The following ENG variants were observed in gnomAD, a reference collection of about 807,000 sequenced individuals.
The protein encoded by ENG is endoglin, also known as CD105 antigen.
In ENG, 17 loss-of-function variants were observed where a neutral mutation model predicts 71.0. That is an observed-to-expected ratio of 0.24 (90% CI 0.16 to 0.36). The LOEUF is 0.36. Among genes scored for constraint, ENG ranks in the 10% least tolerant of loss-of-function variants. The pLI is 1.00. For missense variants in ENG, 749 were observed against 868.3 expected (o/e 0.86, Z 1.73); for synonymous variants, 360 against 366.9 (o/e 0.98, Z 0.21).
chr9:127,833,887 AAC>A (rs1190136981), intron 2 of ENG, among the ~76,000 whole-genome samples: 2 of 152,240 alleles, frequency 1.3e-5, no homozygotes, highest in African/African-American at 4.8e-5. Context: ...TCCTCTTTAA[AAC>A]ACAAAAAGAA....
At position 127,824,353 on chromosome 9, in the gene ENG, T is replaced by G. The variant is rs1169815935; in HGVS notation, c.1085A>C (p.Lys362Thr). The change falls in exon 8 of 15, where the codon AAG (lysine) becomes ACG (threonine). Residue 362 changes from lysine to threonine, a missense_variant. Physicochemically the swap from Lys to Thr is moderately conservative, Grantham distance 78. Coordinates refer to ENST00000373203, the MANE Select transcript of ENG (RefSeq NM_001114753.3). ...CAGGGTCATGGCGTCGTCGGCACAC[T>G]TTGTCTGGATCAAGGACATGAGCAG... ...PELLMSLIQT[K>T]CADDAMTLVL... The G allele has an allele frequency of 1.9e-6, 3 of 1,613,786 alleles. No individual in the cohort carries two copies. Among genetic ancestry groups the G allele is most frequent in the South Asian group, 2.2e-5 (2 of 91,054 alleles).
intron 12 of ENG, 73 bp downstream of exon 12, chr9:127,818,047 C>T: frequency 6.2e-7 from 1 of 1,610,704 alleles, no homozygotes; most frequent in Non-Finnish European, 8.5e-7. Flanking sequence ...CTGTGGGCTG[C>T]CATGTCCCTT....
intron 2 of ENG, among the ~76,000 whole-genome samples, chr9:127,840,206 G>A (rs1802576427): frequency 6.6e-6 from 1 of 152,250 alleles, no homozygotes; most frequent in South Asian, 2.1e-4. Context: ...CTGGAGGGCT[G>A]CCTGGCTCCA....
chr9:127,846,771 G>A lies in ENG; in HGVS notation c.68-3526C>T, dbSNP rs1300212941. 6.6e-6 allele frequency among the ~76,000 whole-genome samples: 1 copy of A among 152,112 alleles called. No individual in the cohort carries two copies. The highest frequency in any genetic ancestry group is 6.5e-5 in the Admixed American group (1 of 15,274). ...TGAAAACAATCCCCTGGCACCAAGG[G>A]AAACGCCAGGGCCTCCCGGGACTGG... On this transcript the variant is annotated intron_variant, in intron 1 of 14. Coordinates refer to ENST00000373203, the MANE Select transcript of ENG (RefSeq NM_001114753.3). This position sits in a 1 kb window ranked among gnomAD's most constrained non-coding sequence, Gnocchi z 5.5.
intron 12 of ENG, chr9:127,817,860 A>C: frequency 1.7e-6 from 1 of 575,378 alleles, no homozygotes; most frequent in Non-Finnish European, 3.1e-6. Flanking sequence ...ACGGACGGGT[A>C]AGTGAAAGGA....
chr9:127,822,826 AT>A (rs1830498579), intron 8 of ENG, among the ~76,000 whole-genome samples: 1 of 152,126 alleles, frequency 6.6e-6, no homozygotes, highest in Admixed American at 6.6e-5. Flanking sequence ...ATTTTCACAT[AT>A]TTTTTAAAGC....
intron 2 of ENG, among the ~76,000 whole-genome samples, chr9:127,833,682 G>A (rs1165309289): frequency 6.6e-6 from 1 of 152,092 alleles, no homozygotes; most frequent in Non-Finnish European, 1.5e-5. Flanking sequence ...TCTTTTCAAA[G>A]TTATGAAAAA....
At chr9:127,851,115 A>C (rs1357599134) in intron 1 of ENG, among the ~76,000 whole-genome samples, 1 of 152,160 alleles carries the variant, frequency 6.6e-6, no homozygotes, top group African/African-American at 2.4e-5. Context: ...TCAATAAAGG[A>C]GTTCCGAGGT....
rs923980106 is a variant in ENG, at chr9:127,838,290, G to T, written c.219+4804C>A. On this transcript the variant is annotated intron_variant, in intron 2 of 14. Transcript: ENST00000373203. This position sits in a 1 kb window ranked among gnomAD's most constrained non-coding sequence, Gnocchi z 4.3. ...GAAGGGAGGGGTGCAGGTTTCAGGG[G>T]GGTACATCCCTTTGGCCCCACAGAG... Among the ~76,000 whole-genome samples the T allele has an allele frequency of 6.6e-6, 1 of 152,176 alleles. No homozygotes were observed. Among genetic ancestry groups the T allele is most frequent in the African/African-American group, 2.4e-5 (1 of 41,442 alleles).
chr9:127,852,001 A>G (rs768111124), intron 1 of ENG, among the ~76,000 whole-genome samples: 6 of 152,180 alleles, frequency 3.9e-5, no homozygotes, highest in Non-Finnish European at 1.5e-5. Flanking sequence ...CATTATTACT[A>G]TTTTATTGTT....
At chr9:127,848,892 G>A (rs1487503602) in intron 1 of ENG, among the ~76,000 whole-genome samples, 1 of 152,192 alleles carries the variant, frequency 6.6e-6, no homozygotes, top group Non-Finnish European at 1.5e-5. Context: ...AGTATGTTCA[G>A]TTCTTTGTCC....
intron 7 of ENG, 72 bp downstream of exon 7, chr9:127,824,728 T>C: frequency 7.1e-7 from 1 of 1,407,026 alleles, no homozygotes; most frequent in Non-Finnish European, 9.3e-7. Context: ...CACACAGAGG[T>C]GCTTCACCAA....
In ENG at chr9:127,829,313, A is replaced by G. The variant is rs887551250; in HGVS notation, c.360+374T>C. 7.2e-5 allele frequency among the ~76,000 whole-genome samples: 11 copies of G among 152,168 alleles called. No individual in the cohort carries two copies. In the East Asian group the frequency reaches 1.3e-3, roughly 19 times the overall value. On this transcript the variant is annotated intron_variant, in intron 3 of 14. Transcript: ENST00000373203. ...TCCTGGCCCTTTTCCTCTGTCTTTA[A>G]ATATTTTCAAATATATGTCGTGTAA...
chr9:127,818,223 G>C lies in ENG; in HGVS notation c.1583C>G (p.Pro528Arg), dbSNP rs779916731. 1.2e-6 allele frequency: 2 copies of C among 1,614,166 alleles called. No individual in the cohort carries two copies. The highest frequency in any genetic ancestry group is 8.5e-7 in the Non-Finnish European group (1 of 1,180,022). ...GAAGTGGAGGAGGAAGCTGAAGCGC[G>C]GGTCACCCTCGGGGCTTGGGGACAG... ...SLLSPSPEGD[P>R]RFSFLLHFYT... is the part of the protein sequence containing the mutation. Residue 528 changes from proline (P) to arginine (R), a missense_variant, in exon 12 of 15, where the codon CCG becomes CGG. Coordinates refer to ENST00000373203, the MANE Select transcript of ENG (RefSeq NM_001114753.3).
Position 127,854,449 on chromosome 9 carries a change from G to T in ENG, c.-94C>A. 1 of 1,375,966 alleles carries T rather than the reference G, an allele frequency of 7.3e-7. No homozygotes were observed. The allele number at this position is 1,375,966 out of a possible 1,614,324, so 85.2% of individuals were successfully genotyped here. ...CGGGGCCGGCGTGGGCTCGCACGGGGACCCGAGGGGAGCAGGCGGCCGGAG... is the reference window on the plus strand; with the variant it reads ...CGGGGCCGGCGTGGGCTCGCACGGGTACCCGAGGGGAGCAGGCGGCCGGAG... On this transcript the variant is annotated 5_prime_UTR_variant, in exon 1 of 15. Coordinates refer to ENST00000373203, the MANE Select transcript of ENG (RefSeq NM_001114753.3).
chr9:127,846,934 C>T lies in ENG; in HGVS notation c.68-3689G>A. 1.0e-6 allele frequency: 1 copy of T among 985,638 alleles called. No individual in the cohort carries two copies. The highest frequency in any genetic ancestry group is 1.2e-6 in the Non-Finnish European group (1 of 830,076). 61.1% of individuals were successfully genotyped at this position (985,638 alleles called of 1,614,324 possible). A position where few individuals can be genotyped will look rare whatever the true frequency, so the allele number is the denominator to read the frequency against. On this transcript the variant is annotated intron_variant, in intron 1 of 14. Coordinates refer to ENST00000373203, the MANE Select transcript of ENG (RefSeq NM_001114753.3). This position sits in a 1 kb window ranked among gnomAD's most constrained non-coding sequence, Gnocchi z 5.5. Reference sequence around the variant, plus strand: ...ACCTCCCAGATTTCCAGAGGGCTACCTTCAGCACCTTGGAGGATGATCAAG... The same window carrying T: ...ACCTCCCAGATTTCCAGAGGGCTACTTTCAGCACCTTGGAGGATGATCAAG...
At chr9:127,823,490 A>G (rs1336104895) in intron 8 of ENG, among the ~76,000 whole-genome samples, 1 of 135,390 alleles carries the variant, frequency 7.4e-6, no homozygotes, top group Non-Finnish European at 1.6e-5. Flanking sequence ...CCGGGTTCAC[A>G]CCATTCTCCT....
chr9:127,848,413 C>T lies in ENG; in HGVS notation c.68-5168G>A, dbSNP rs932947756. Among the ~76,000 whole-genome samples, 9 of 152,098 alleles carry T rather than the reference C, an allele frequency of 5.9e-5. No homozygotes were observed. In the South Asian group the frequency reaches 6.2e-4, roughly 11 times the overall value. Reference sequence around the variant, plus strand: ...CAAGCAATCCTCTGCCTCAGCCTCCCGAGCAGCTACAGGTATGAGTCATTA... The same window carrying T: ...CAAGCAATCCTCTGCCTCAGCCTCCTGAGCAGCTACAGGTATGAGTCATTA... On this transcript the variant is annotated intron_variant, in intron 1 of 14. Coordinates refer to ENST00000373203, the MANE Select transcript of ENG (RefSeq NM_001114753.3).
rs1285459257 is a variant in ENG at position 127,838,982 on chromosome 9, T to C, written c.219+4112A>G. 1.3e-5 allele frequency among the ~76,000 whole-genome samples: 2 copies of C among 152,094 alleles called. No individual in the cohort carries two copies. The highest frequency in any genetic ancestry group is 2.9e-5 in the Non-Finnish European group (2 of 67,996). On this transcript the variant is annotated intron_variant, in intron 2 of 14. Transcript: ENST00000373203. The surrounding 1 kb of genome is among the most constrained non-coding windows in gnomAD (Gnocchi z 4.3). ...TGCCAGAGATCGAAGAAGCCGGCCATAGGTCAGGAGGGATCCGGCTGGCTG... is the reference window on the plus strand; with the variant it reads ...TGCCAGAGATCGAAGAAGCCGGCCACAGGTCAGGAGGGATCCGGCTGGCTG...
Sources: gnomAD v4.1 joint callset for allele counts (sites outside exome capture counted in the v4.1 genomes callset) on GRCh38, gnomAD v4.1.1 for gene constraint, Gnocchi (gnomAD v3.1) non-coding constraint, MANE v1.5 for transcripts, NCBI Gene and HGNC (gene_info 2026-07-23, HGNC 2026-07-21) for gene names.